Variants in PIP4P1 observed in about 807,000 individuals in gnomAD.
The protein encoded by PIP4P1 is type 1 phosphatidylinositol 4,5-bisphosphate 4-phosphatase.
PIP4P1 carries 14 observed loss-of-function variants against 32.3 expected under a neutral mutation model. That is an observed-to-expected ratio of 0.43 (90% CI 0.29 to 0.68). PIP4P1 has a LOEUF of 0.68. PIP4P1 is among the 30% of genes least tolerant of loss of function. The pLI is 0.15. For synonymous variants in PIP4P1, 132 were observed against 137.9 expected (o/e 0.96, Z 0.30); for missense variants, 289 against 364.5 (o/e 0.79, Z 1.69).
rs1269011219 is a variant in PIP4P1 at position 20,461,409 on chromosome 14, A to ACCGCCACCG, written c.-93_-85dup. 574 of 1,210,964 alleles carry ACCGCCACCG rather than the reference A, an allele frequency of 4.7e-4. 1 individual carries two copies. Among genetic ancestry groups the ACCGCCACCG allele is most frequent in the Non-Finnish European group, 5.8e-4 (559 of 969,528 alleles). The allele number at this position is 1,210,964 out of a possible 1,614,324, so 75.0% of individuals were successfully genotyped here. On this transcript the variant is annotated 5_prime_UTR_variant, in exon 1 of 7. Transcript: ENST00000250489. ...CGCCGCAGCCACCGCCACCGCCGCC[A>ACCGCCACCG]CCGCCACCGCCGCTACCGGGTCCCC...
In PIP4P1 at chr14:20,460,296, T is replaced by C; in HGVS notation, c.336A>G (p.Pro112=). The change falls in exon 3 of 7, where the codon CCA becomes CCG. Residue 112 remains proline, a splice_region_variant and synonymous_variant. Transcript: ENST00000250489. The part of the protein sequence containing the change: ...VKCGVCNEAT[P]IKNAPPGKKY... Reference sequence around the variant, plus strand: ...TTTTCCCTGGGGGTGCATTCTTGATTGGCTAGAGAATAATAGGGTCATCAG... The same window carrying C: ...TTTTCCCTGGGGGTGCATTCTTGATCGGCTAGAGAATAATAGGGTCATCAG... The C allele has an allele frequency of 6.2e-7, 1 of 1,612,042 alleles. No individual in the cohort carries two copies. The highest frequency in any genetic ancestry group is 8.5e-7 in the Non-Finnish European group (1 of 1,178,224).
At chr14:20,460,943 A>G in intron 1 of PIP4P1, 98 bp from the exon 2 acceptor site, 1 of 1,366,532 alleles carries the variant, frequency 7.3e-7, no homozygotes, top group Non-Finnish European at 9.7e-7. Context: ...CCTCTGACCA[A>G]GCTCGGAGGG....
In PIP4P1 at chr14:20,459,239, G is replaced by A. The variant is rs770949507; in HGVS notation, c.657C>T (p.Gly219=). 6.2e-7 allele frequency: 1 copy of A among 1,614,246 alleles called. No homozygotes were observed. Among genetic ancestry groups the A allele is most frequent in the Non-Finnish European group, 8.5e-7 (1 of 1,180,048 alleles). Residue 219 remains glycine (G), a synonymous_variant, in exon 6 of 7, where the codon GGC becomes GGT. Transcript: ENST00000250489. ...CAGTGGCAGTGACTGCCAAAAGCAA[G>A]CCAAGCAAGAAGCAGCAGATACATC... The part of the protein sequence containing the change: ...RKRCICCFLL[G]LLLAVTATGL...
In PIP4P1 at chr14:20,459,208, C is replaced by T. The variant is rs1402437531; in HGVS notation, c.688G>A (p.Ala230Thr). Reference protein sequence around the residue: ...LLLAVTATGLAFGTWKHARRY... With the variant: ...LLLAVTATGLTFGTWKHARRY... Reference sequence around the variant, plus strand: ...GAGGTTGGGGCAAGGGTACTCACGGCAAGGCCAGTGGCAGTGACTGCCAAA... The same window carrying T: ...GAGGTTGGGGCAAGGGTACTCACGGTAAGGCCAGTGGCAGTGACTGCCAAA... The change falls in exon 6 of 7, where the codon GCC becomes ACC. Residue 230 changes from alanine (A) to threonine (T), a missense_variant and splice_region_variant. Physicochemically the swap from Ala to Thr is moderately conservative, Grantham distance 58. Around this residue, in one of 2 missense-constraint regions of PIP4P1, gnomAD observed 181 missense variants for 263.3 expected, o/e 0.69. Transcript: ENST00000250489. 6.2e-7 allele frequency: 1 copy of T among 1,613,980 alleles called. No homozygotes were observed. The highest frequency in any genetic ancestry group is 1.3e-5 in the African/African-American group (1 of 74,922).
At chr14:20,460,469 G>T in intron 2 of PIP4P1, 171 bp from the exon 3 acceptor site, 1 of 754,610 alleles carries the variant, frequency 1.3e-6, no homozygotes. Flanking sequence ...GTGTAAAAGT[G>T]AGAGAAAGTG....
At position 20,461,145 on chromosome 14, in the gene PIP4P1, G is replaced by C. The variant is rs889318465; in HGVS notation, c.142+39C>G. ...TTCAGAGTACCCCGGGGAGCACCTCGGACCCGCCCCGGCTTACCCTGGGGC... is the reference window on the plus strand; with the variant it reads ...TTCAGAGTACCCCGGGGAGCACCTCCGACCCGCCCCGGCTTACCCTGGGGC... On this transcript the variant is annotated intron_variant, in intron 1 of 6. Coordinates refer to ENST00000250489, the MANE Select transcript of PIP4P1 (RefSeq NM_144568.4). The C allele has an allele frequency of 7.1e-6, 9 of 1,262,878 alleles. No individual in the cohort carries two copies. In the African/African-American group the frequency reaches 1.4e-4, roughly 20 times the overall value. The allele number at this position is 1,262,878 out of a possible 1,614,324, so 78.2% of individuals were successfully genotyped here. A position where few individuals can be genotyped will look rare whatever the true frequency, so the allele number is the denominator to read the frequency against.
rs1407796389 is a variant in PIP4P1, at chr14:20,461,299, C to A, written c.27G>T (p.Pro9=). 1.5e-6 allele frequency: 2 copies of A among 1,291,378 alleles called. No individual in the cohort carries two copies. Among genetic ancestry groups the A allele is most frequent in the Non-Finnish European group, 2.0e-6 (2 of 1,018,464 alleles). The allele number at this position is 1,291,378 out of a possible 1,614,324, so 80.0% of individuals were successfully genotyped here. A position where few individuals can be genotyped will look rare whatever the true frequency, so the allele number is the denominator to read the frequency against. Residue 9 remains proline (P), a synonymous_variant, in exon 1 of 7, where the codon CCG becomes CCT. Coordinates refer to ENST00000250489, the MANE Select transcript of PIP4P1 (RefSeq NM_144568.4). Reference sequence around the variant, plus strand: ...CACCGTCGATGGGCTCAGACAGCAGCGGGGAACGCTCTCCATCTGCCGCCA... The same window carrying A: ...CACCGTCGATGGGCTCAGACAGCAGAGGGGAACGCTCTCCATCTGCCGCCA... MAADGERS[P]LLSEPIDGGA...
At chr14:20,458,836 G>T in intron 6 of PIP4P1, 134 bp from the exon 7 acceptor site, 1 of 1,159,104 alleles carries the variant, frequency 8.6e-7, no homozygotes, top group East Asian at 2.5e-5. Flanking sequence ...CCACCCTCAG[G>T]GACCTTCTTA....
rs748425713 is a variant in PIP4P1 at position 20,459,739 on chromosome 14, C to G, written c.441-6G>C. On this transcript the variant is annotated splice_polypyrimidine_tract_variant and splice_region_variant and intron_variant, in intron 3 of 6. Transcript: ENST00000250489. Reference sequence around the variant, plus strand: ...CCAGGTTGATGATTCTTTTGCTATACAAAAGAAAAAGACTTGTATTTTCAA... The same window carrying G: ...CCAGGTTGATGATTCTTTTGCTATAGAAAAGAAAAAGACTTGTATTTTCAA... 2 of 1,609,800 alleles carry G rather than the reference C, an allele frequency of 1.2e-6. No homozygotes were observed. Among genetic ancestry groups the G allele is most frequent in the Admixed American group, 3.4e-5 (2 of 59,070 alleles).
At position 20,461,423 on chromosome 14, in the gene PIP4P1, T is replaced by C. The variant is rs2139321962; in HGVS notation, c.-98A>G. On this transcript the variant is annotated 5_prime_UTR_variant, in exon 1 of 7. Transcript: ENST00000250489. ...CCACCGCCGCCACCGCCACCGCCGCTACCGGGTCCCCAGGGCGCCTGCGCG... is the reference window on the plus strand; with the variant it reads ...CCACCGCCGCCACCGCCACCGCCGCCACCGGGTCCCCAGGGCGCCTGCGCG... The C allele has an allele frequency of 8.4e-7, 1 of 1,183,608 alleles. No homozygotes were observed. Among genetic ancestry groups the C allele is most frequent in the African/African-American group, 1.6e-5 (1 of 63,088 alleles). 73.3% of individuals were successfully genotyped at this position (1,183,608 alleles called of 1,614,324 possible). A position where few individuals can be genotyped will look rare whatever the true frequency, so the allele number is the denominator to read the frequency against.
Position 20,458,401 on chromosome 14 carries a change from T to C in PIP4P1, c.*158A>G, listed in dbSNP as rs959413365. ...TCTTATCTGCCCCTCCAAACCTAAG[T>C]GAGGGCCTGGTTCCTTCCTACCTCT... On this transcript the variant is annotated 3_prime_UTR_variant, in exon 7 of 7. Transcript: ENST00000250489. 8 of 1,041,208 alleles carry C rather than the reference T, an allele frequency of 7.7e-6. No homozygotes were observed. Among genetic ancestry groups the C allele is most frequent in the Non-Finnish European group, 1.2e-5 (8 of 693,964 alleles). 64.5% of individuals were successfully genotyped at this position (1,041,208 alleles called of 1,614,324 possible).
intron 6 of PIP4P1, 50 bp downstream of exon 6, chr14:20,459,156 C>T: frequency 6.3e-7 from 1 of 1,587,548 alleles, no homozygotes; most frequent in Non-Finnish European, 8.6e-7. Context: ...AAATCTTAGC[C>T]TATGGAGATG....
chr14:20,461,109 C>T, intron 1 of PIP4P1, 75 bp downstream of exon 1: 1 of 1,271,346 alleles, frequency 7.9e-7, no homozygotes, highest in Non-Finnish European at 9.9e-7. Flanking sequence ...GGTCCCGCCC[C>T]CTCCCCGGCT....
intron 1 of PIP4P1, 96 bp from the exon 2 acceptor site, chr14:20,460,941 C>T (rs541526077): frequency 7.2e-7 from 1 of 1,396,492 alleles, no homozygotes; most frequent in South Asian, 1.5e-5. Flanking sequence ...ACCCTCTGAC[C>T]AAGCTCGGAG....
At chr14:20,459,830 C>A in intron 3 of PIP4P1, 97 bp from the exon 4 acceptor site, 1 of 884,740 alleles carries the variant, frequency 1.1e-6, no homozygotes, top group East Asian at 2.6e-5. Flanking sequence ...CCCCCACTCC[C>A]TGTCTATTAA....
Position 20,458,557 on chromosome 14 carries a change from G to C in PIP4P1, c.*2C>G, listed in dbSNP as rs747904913. 4.3e-6 allele frequency: 7 copies of C among 1,613,128 alleles called. No individual in the cohort carries two copies. The highest frequency in any genetic ancestry group is 5.9e-6 in the Non-Finnish European group (7 of 1,179,490). ...CCAGGCACAGTCTGTGGGTCATCAG[G>C]CTCAGGAGAAGTTCTGGACAGGGTG... On this transcript the variant is annotated 3_prime_UTR_variant, in exon 7 of 7. Transcript: ENST00000250489.
intron 3 of PIP4P1, 68 bp from the exon 4 acceptor site, chr14:20,459,801 C>T: frequency 7.9e-7 from 1 of 1,273,360 alleles, no homozygotes; most frequent in Non-Finnish European, 1.1e-6. Context: ...TAAAAATCTT[C>T]ACAGTCCCTG....
Position 20,461,260 on chromosome 14 carries a change from G to C in PIP4P1, c.66C>G (p.Asn22Lys), listed in dbSNP as rs752873016. The part of the protein sequence containing the change: ...SEPIDGGAGG[N>K]GLVGPGGSGA... ...CACTCCCGCCGGGCCCCACTAAACC[G>C]TTGCCGCCCGCGCCACCGTCGATGG... Residue 22 changes from asparagine (N) to lysine (K), a missense_variant, in exon 1 of 7, where the codon AAC becomes AAG. Physicochemically the swap from Asn to Lys is moderately conservative, Grantham distance 94. Transcript: ENST00000250489. The C allele has an allele frequency of 1.6e-6, 2 of 1,279,392 alleles. No homozygotes were observed. Among genetic ancestry groups the C allele is most frequent in the Non-Finnish European group, 2.0e-6 (2 of 1,009,126 alleles). The allele number at this position is 1,279,392 out of a possible 1,614,324, so 79.3% of individuals were successfully genotyped here.
chr14:20,461,346 G>C lies in PIP4P1; in HGVS notation c.-21C>G, dbSNP rs943552495. On this transcript the variant is annotated 5_prime_UTR_variant, in exon 1 of 7. Coordinates refer to ENST00000250489, the MANE Select transcript of PIP4P1 (RefSeq NM_144568.4). ...GCCATGGCCGCCACCGCCGCCTCCC[G>C]CTCAGGTCGGCGATCCGGCTCCCTT... The C allele has an allele frequency of 5.5e-6, 7 of 1,271,764 alleles. No homozygotes were observed. The highest frequency in any genetic ancestry group is 6.9e-6 in the Non-Finnish European group (7 of 1,009,790). The allele number at this position is 1,271,764 out of a possible 1,614,324, so 78.8% of individuals were successfully genotyped here.
Sources: allele counts gnomAD v4.1 joint callset, GRCh38; gene constraint gnomAD v4.1.1; regional missense constraint gnomAD v4.1.1; transcripts MANE v1.5; gene names NCBI Gene and HGNC (gene_info 2026-07-23, HGNC 2026-07-21).